The following LOC128092252 variants were observed in gnomAD, a reference collection of about 807,000 sequenced individuals.
chr15:50,666,704 A>C, the LOC128092252 span, among the ~76,000 whole-genome samples: 1 of 152,088 alleles, frequency 6.6e-6, no homozygotes, highest in African/African-American at 2.4e-5. Context: ...TGGAAGGCTG[A>C]GGCAGGAGAA....
the LOC128092252 span, chr15:50,657,816 G>T: frequency 6.2e-7 from 1 of 1,610,474 alleles, no homozygotes; most frequent in Non-Finnish European, 8.5e-7. Context: ...ATCCTGGAAG[G>T]CATCTATTGA....
At chr15:50,662,904 A>C in the LOC128092252 span, 16 of 1,182,896 alleles carry the variant, frequency 1.4e-5, no homozygotes, top group Non-Finnish European at 1.8e-5. Context: ...CCAATAAAGA[A>C]ATAACAATAT....
the LOC128092252 span, among the ~76,000 whole-genome samples, chr15:50,669,864 T>A: frequency 6.6e-6 from 1 of 152,188 alleles, no homozygotes; most frequent in Admixed American, 6.6e-5. Context: ...CGATCCCTTA[T>A]CAGCATGGTT....
chr15:50,682,892 T>C, the LOC128092252 span, among the ~76,000 whole-genome samples: 1 of 149,486 alleles, frequency 6.7e-6, no homozygotes, highest in East Asian at 2.0e-4. Context: ...TGCTTCCCGG[T>C]ACCAAACTTT....
the LOC128092252 span, among the ~76,000 whole-genome samples, chr15:50,683,459 G>A: frequency 6.6e-6 from 1 of 152,082 alleles, no homozygotes; most frequent in Non-Finnish European, 1.5e-5. Context: ...AAGAAGCCAG[G>A]GTCAGTGGCT....
chr15:50,685,782 C>T, the LOC128092252 span, among the ~76,000 whole-genome samples: 2 of 152,134 alleles, frequency 1.3e-5, no homozygotes, highest in African/African-American at 4.8e-5. Context: ...GCACCGCCTC[C>T]CTCTCTCCAT....
the LOC128092252 span, among the ~76,000 whole-genome samples, chr15:50,684,887 C>A: frequency 6.6e-6 from 1 of 152,098 alleles, no homozygotes; most frequent in East Asian, 1.9e-4. Context: ...AATCAACTGA[C>A]TAAAACATGA....
chr15:50,674,785 G>A, the LOC128092252 span, among the ~76,000 whole-genome samples: 1 of 152,104 alleles, frequency 6.6e-6, no homozygotes, highest in Non-Finnish European at 1.5e-5. Context: ...GGAGAGCTGT[G>A]CCAGGTACAG....
the LOC128092252 span, among the ~76,000 whole-genome samples, chr15:50,675,109 G>A: frequency 1.7e-3 from 256 of 152,278 alleles, 2 homozygotes; most frequent in South Asian, 5.8e-3. Flanking sequence ...TTGGGAAGCC[G>A]AGGCAGGTGG....
At chr15:50,664,288 G>A in the LOC128092252 span, among the ~76,000 whole-genome samples, 8 of 128,294 alleles carry the variant, frequency 6.2e-5, no homozygotes, top group African/African-American at 2.1e-4. Flanking sequence ...CCAGCCTGGC[G>A]ACAGAGCAAG....
the LOC128092252 span, among the ~76,000 whole-genome samples, chr15:50,650,192 C>CA: frequency 0.014 from 899 of 62,258 alleles, 86 homozygotes; most frequent in African/African-American, 0.027. Flanking sequence ...GACTTTGTCT[C>CA]AAAAAAAAAA....
At chr15:50,685,131 T>C in the LOC128092252 span, among the ~76,000 whole-genome samples, 1 of 152,372 alleles carries the variant, frequency 6.6e-6, no homozygotes, top group Admixed American at 6.5e-5. Flanking sequence ...AATGGGTATA[T>C]GGTAGTTCAT....
At chr15:50,661,481 T>G in the LOC128092252 span, among the ~76,000 whole-genome samples, 1 of 152,242 alleles carries the variant, frequency 6.6e-6, no homozygotes, top group Admixed American at 6.5e-5. Context: ...GTTTTTTAAA[T>G]GTATCATATA....
the LOC128092252 span, chr15:50,648,805 C>T: frequency 6.2e-7 from 1 of 1,613,258 alleles, no homozygotes; most frequent in Non-Finnish European, 8.5e-7. Context: ...AAAATGGTCA[C>T]CCAATTTCAC....
chr15:50,655,456 C>CA, the LOC128092252 span, among the ~76,000 whole-genome samples: 1 of 129,858 alleles, frequency 7.7e-6, no homozygotes, highest in African/African-American at 2.8e-5. Flanking sequence ...AACAAAAAAA[C>CA]AAAAAACCTT....
chr15:50,679,527 TA>T, the LOC128092252 span, among the ~76,000 whole-genome samples: 16 of 49,966 alleles, frequency 3.2e-4, no homozygotes, highest in African/African-American at 1.2e-3. Flanking sequence ...TATATATATA[TA>T]TATATATATA....
chr15:50,664,812 T>C, the LOC128092252 span, among the ~76,000 whole-genome samples: 1 of 151,926 alleles, frequency 6.6e-6, no homozygotes, highest in East Asian at 1.9e-4. Flanking sequence ...AATTAAACAG[T>C]CAGCCGGGTG....
the LOC128092252 span, among the ~76,000 whole-genome samples, chr15:50,679,488 A>T: frequency 1.9e-5 from 2 of 105,880 alleles, no homozygotes; most frequent in African/African-American, 3.9e-5. Context: ...ATATATATAT[A>T]TTATATATAT....
the LOC128092252 span, among the ~76,000 whole-genome samples, chr15:50,678,517 A>AT: frequency 2.6e-4 from 35 of 132,720 alleles, no homozygotes; most frequent in African/African-American, 9.5e-4. Context: ...AAAAAAAAAA[A>AT]ATATATATAT....
Sources: allele counts gnomAD v4.1 joint callset (sites outside exome capture counted in the v4.1 genomes callset), GRCh38; gene constraint gnomAD v4.1.1; transcripts MANE v1.5.